The following VIT variants were observed in gnomAD, a reference collection of about 807,000 sequenced individuals.
The protein encoded by VIT is vitrin.
Under a neutral mutation model 78.0 loss-of-function variants are expected in VIT, and 99 were observed. The observed-to-expected ratio is 1.27, with a 90% CI of 1.08 to 1.50. The LOEUF (loss-of-function observed/expected upper bound fraction) is 1.50, where lower values mean the gene tolerates loss of function less well. VIT is among the 40% of genes most tolerant of loss of function. VIT has a pLI of 0.00. For synonymous variants in VIT, 374 were observed against 334.3 expected (o/e 1.12, Z -1.29); for missense variants, 1,126 against 875.3 (o/e 1.29, Z -3.61).
At chr2:36,806,100 C>T (rs1666707471) in intron 14 of VIT, among the ~76,000 whole-genome samples, 1 of 152,208 alleles carries the variant, frequency 6.6e-6, no homozygotes, top group Non-Finnish European at 1.5e-5. Context: ...TGAACCACAG[C>T]AGTGAGATCG....
rs779083805 is a variant in VIT, at chr2:36,808,827, A to G, written c.1745A>G (p.Tyr582Cys). 2.5e-6 allele frequency: 4 copies of G among 1,614,180 alleles called. No homozygotes were observed. Among genetic ancestry groups the G allele is most frequent in the Non-Finnish European group, 3.4e-6 (4 of 1,180,022 alleles). Residue 582 changes from tyrosine (Y) to cysteine (C), a missense_variant, in exon 15 of 16, where the codon TAC becomes TGC. Transcript: ENST00000379242. ...CTCAACGCCATCAAGAGGGTGGGCT[A>G]CTGGAGTGGTGGCACCAGCACGGGG... Reference protein sequence around the residue: ...DILNAIKRVGYWSGGTSTGAA... With the variant: ...DILNAIKRVGCWSGGTSTGAA...
At chr2:36,814,073 A>G (rs1488635181) in intron 15 of VIT, 110 bp from the exon 16 acceptor site, 3 of 1,337,868 alleles carry the variant, frequency 2.2e-6, no homozygotes, top group East Asian at 2.4e-5. Context: ...TTGTTTGGGC[A>G]TATTTCTGAT....
At chr2:36,723,535 C>T (rs528577773) in intron 2 of VIT, among the ~76,000 whole-genome samples, 2 of 152,242 alleles carry the variant, frequency 1.3e-5, no homozygotes, top group African/African-American at 4.8e-5. Flanking sequence ...TTTGCTTTAG[C>T]TTGCATTTTT....
intron 2 of VIT, among the ~76,000 whole-genome samples, chr2:36,725,602 T>TGGGGG (rs112932967): frequency 1.4e-4 from 7 of 48,800 alleles, no homozygotes; most frequent in African/African-American, 2.8e-4. Flanking sequence ...AGTTGAGGGG[T>TGGGGG]GGGGGGGGGG....
chr2:36,799,369 A>C (rs1298959424), intron 12 of VIT, among the ~76,000 whole-genome samples: 1 of 152,196 alleles, frequency 6.6e-6, no homozygotes, highest in Non-Finnish European at 1.5e-5. Context: ...AACTGCCCAC[A>C]ACCGCTTCTT....
chr2:36,769,416 T>G (rs924068746), intron 7 of VIT, among the ~76,000 whole-genome samples: 1 of 152,152 alleles, frequency 6.6e-6, no homozygotes, highest in Admixed American at 6.5e-5. Context: ...ACAGGAGCTT[T>G]GGACAACAGC....
intron 4 of VIT, 77 bp from the exon 5 acceptor site, chr2:36,754,844 G>A (rs547977387): frequency 2.3e-5 from 35 of 1,504,534 alleles, no homozygotes; most frequent in Non-Finnish European, 3.0e-5. Flanking sequence ...TAAAGATGGC[G>A]ACTGGTTTTC....
chr2:36,781,877 C>T, intron 10 of VIT, 106 bp downstream of exon 10: 4 of 1,356,764 alleles, frequency 2.9e-6, no homozygotes, highest in Non-Finnish European at 4.1e-6. Context: ...GCTCCACTAG[C>T]CTAGGATTTC....
chr2:36,767,822 C>G (rs909758118), intron 7 of VIT, among the ~76,000 whole-genome samples: 3 of 152,358 alleles, frequency 2.0e-5, no homozygotes, highest in Non-Finnish European at 4.4e-5. Flanking sequence ...AGGAGCCCAT[C>G]TGATCATCTG....
chr2:36,732,596 G>C (rs1379870045), intron 3 of VIT, among the ~76,000 whole-genome samples: 1 of 152,072 alleles, frequency 6.6e-6, no homozygotes, highest in African/African-American at 2.4e-5. Context: ...TGGCAAGGAA[G>C]GCACATTATT....
intron 12 of VIT, among the ~76,000 whole-genome samples, chr2:36,795,342 C>CTTATT (rs1219296983): frequency 1.0e-4 from 15 of 148,414 alleles, no homozygotes; most frequent in African/African-American, 2.2e-4. Context: ...AACACTCTGC[C>CTTATT]TTATTTTATT....
intron 15 of VIT, among the ~76,000 whole-genome samples, chr2:36,813,046 A>T (rs117317916): frequency 0.54 from 78,333 of 146,260 alleles, 23,579 homozygotes; most frequent in East Asian, 0.78. Context: ...CAAAAAAAAA[A>T]AAAAAAAAAA....
Position 36,781,727 on chromosome 2 carries a change from G to A in VIT, c.803G>A (p.Gly268Glu). The change falls in exon 10 of 16, where the codon GGA (glycine) becomes GAA (glutamate). Residue 268 changes from glycine (G) to glutamate (E), a missense_variant and splice_region_variant. Physicochemically the swap from Gly to Glu is moderately conservative, Grantham distance 98. Transcript: ENST00000379242. ...GTTTCTTTTCAATTTTGAAAATCAG[G>A]AGAGATGGACTCATGGAAACCTGGA... is the stretch of plus-strand genomic sequence containing the variant. Reference protein sequence around the residue: ...QKPVGADVSLGEMDSWKPGSV... With the variant: ...QKPVGADVSLEEMDSWKPGSV... The A allele has an allele frequency of 6.2e-7, 1 of 1,614,100 alleles. No homozygotes were observed. The highest frequency in any genetic ancestry group is 2.2e-5 in the East Asian group (1 of 44,878).
chr2:36,741,681 A>G (rs1667844822), intron 3 of VIT, among the ~76,000 whole-genome samples: 2 of 152,160 alleles, frequency 1.3e-5, no homozygotes, highest in Non-Finnish European at 2.9e-5. Flanking sequence ...CCTGGATCCA[A>G]GAGTCTGTGA....
intron 4 of VIT, 145 bp from the exon 5 acceptor site, chr2:36,754,776 G>C (rs888282015): frequency 6.3e-6 from 5 of 791,540 alleles, no homozygotes; most frequent in East Asian, 5.8e-5. Flanking sequence ...CATTCTTGTG[G>C]GTTGGGCTTC....
chr2:36,788,566 A>C (rs941480254), intron 12 of VIT, among the ~76,000 whole-genome samples: 2 of 152,218 alleles, frequency 1.3e-5, no homozygotes, highest in Non-Finnish European at 2.9e-5. Context: ...CAGGGGATCT[A>C]TCTTGAAGTT....
At chr2:36,730,544 G>A (rs370698137) in intron 3 of VIT, among the ~76,000 whole-genome samples, 5 of 152,212 alleles carry the variant, frequency 3.3e-5, no homozygotes, top group African/African-American at 1.2e-4. Context: ...TAATAGGGAT[G>A]CAGGATTTTT....
rs373166462 is a variant in VIT at position 36,765,155 on chromosome 2, T to G, written c.488-1939T>G. On this transcript the variant is annotated intron_variant, in intron 6 of 15. Transcript: ENST00000379242. ...TCCTGAGATCGTGACGGGGCGGTTA[T>G]TCTGGATTCCCCAGGTGGGCTCTAA... Among the ~76,000 whole-genome samples, 9 of 152,272 alleles carry G rather than the reference T, an allele frequency of 5.9e-5. 1 individual carries two copies. The highest frequency in any genetic ancestry group is 1.9e-4 in the African/African-American group (8 of 41,558).
In VIT at chr2:36,774,997, C is replaced by G. The variant is rs773672115; in HGVS notation, c.737-5C>G. 2 of 1,614,028 alleles carry G rather than the reference C, an allele frequency of 1.2e-6. No homozygotes were observed. Among genetic ancestry groups the G allele is most frequent in the African/African-American group, 2.7e-5 (2 of 74,940 alleles). On this transcript the variant is annotated splice_polypyrimidine_tract_variant and splice_region_variant and intron_variant, in intron 8 of 15. Transcript: ENST00000379242. ...AAATCGGCTGACCCTGTGTAATCCC[C>G]TCAGGTATCCAAAGGCAAGATCCTT... is the stretch of plus-strand genomic sequence containing the variant.
Sources: gnomAD v4.1 joint callset for allele counts (sites outside exome capture counted in the v4.1 genomes callset) on GRCh38, gnomAD v4.1.1 for gene constraint, MANE v1.5 for transcripts, NCBI Gene and HGNC (gene_info 2026-07-23, HGNC 2026-07-21) for gene names.